The following NELL1 variants were observed in gnomAD, a reference collection of about 807,000 sequenced individuals.
NELL1 encodes the protein neural EGFL like 1.
In NELL1, 76 loss-of-function variants were observed where a neutral mutation model predicts 107.4. The ratio of observed to expected loss-of-function variants is 0.71; its 90% CI spans 0.59 to 0.86. The LOEUF is 0.86. Ranked by LOEUF, NELL1 falls within the 40% of genes least tolerant of loss-of-function variation. The pLI, the probability that NELL1 is intolerant of heterozygous loss-of-function variation, is 0.00. For missense variants in NELL1, 1,024 were observed against 1,005.5 expected (o/e 1.02, Z -0.25); for synonymous variants, 353 against 341.2 (o/e 1.03, Z -0.38).
intron 15 of NELL1, among the ~76,000 whole-genome samples, chr11:21,463,330 T>G (rs549524879): frequency 3.9e-5 from 6 of 152,200 alleles, no homozygotes; most frequent in Admixed American, 3.9e-4. Flanking sequence ...AATGAATTTA[T>G]TTGTGCAAAT....
intron 7 of NELL1, among the ~76,000 whole-genome samples, chr11:20,925,857 T>A (rs760005410): frequency 1.3e-5 from 2 of 152,200 alleles, no homozygotes; most frequent in Non-Finnish European, 2.9e-5. Flanking sequence ...TAGAATTACA[T>A]GTGGATTCCA....
chr11:20,876,293 AT>A (rs1849303137), intron 4 of NELL1, among the ~76,000 whole-genome samples: 1 of 152,086 alleles, frequency 6.6e-6, no homozygotes. Context: ...CCTGAGGTGC[AT>A]TTTTCAATTT....
At chr11:21,452,280 G>T (rs549094357) in intron 15 of NELL1, among the ~76,000 whole-genome samples, 2 of 152,164 alleles carry the variant, frequency 1.3e-5, no homozygotes, top group African/African-American at 4.8e-5. Flanking sequence ...TCACTGTCTG[G>T]TGTCTAATGT....
chr11:21,250,252 A>G (rs1858603824), intron 14 of NELL1, among the ~76,000 whole-genome samples: 1 of 152,158 alleles, frequency 6.6e-6, no homozygotes, highest in Non-Finnish European at 1.5e-5. Flanking sequence ...AGTAATTTGC[A>G]GTTATTTAAC....
chr11:20,705,219 A>G (rs536707668), intron 2 of NELL1, among the ~76,000 whole-genome samples: 2 of 152,342 alleles, frequency 1.3e-5, no homozygotes, highest in East Asian at 3.9e-4. Flanking sequence ...ATCCTAAGCC[A>G]AAAGAACAAA....
At chr11:21,284,283 T>C (rs1849062203) in intron 14 of NELL1, 3 of 457,046 alleles carry the variant, frequency 6.6e-6, no homozygotes, top group South Asian at 4.6e-5. Flanking sequence ...ATCCTAGTTG[T>C]TTGGGAAAAC....
chr11:20,801,301 G>A (rs1857276422), intron 3 of NELL1, among the ~76,000 whole-genome samples: 1 of 152,174 alleles, frequency 6.6e-6, no homozygotes, highest in Non-Finnish European at 1.5e-5. Context: ...GGCCCCTGTA[G>A]CCACTGAAGA....
At chr11:21,353,167 G>A (rs908400687) in intron 14 of NELL1, among the ~76,000 whole-genome samples, 4 of 152,144 alleles carry the variant, frequency 2.6e-5, no homozygotes, top group African/African-American at 9.7e-5. Context: ...TTCATGGCCA[G>A]TATCATGTGG....
chr11:21,371,128 A>T (rs1851351131), intron 15 of NELL1, among the ~76,000 whole-genome samples, 180 bp downstream of exon 15: 1 of 152,072 alleles, frequency 6.6e-6, no homozygotes, highest in South Asian at 2.1e-4. Flanking sequence ...ACTCTCTGAA[A>T]ATAGAGCTTC....
intron 12 of NELL1, among the ~76,000 whole-genome samples, chr11:20,994,549 T>A (rs1590514577): frequency 1.5e-5 from 2 of 136,452 alleles, no homozygotes; most frequent in East Asian, 6.5e-4. Context: ...GAATAAAAAG[T>A]TTTTTTAAGT....
chr11:21,105,781 C>T (rs1590641020), intron 12 of NELL1, among the ~76,000 whole-genome samples: 2 of 114,286 alleles, frequency 1.7e-5, no homozygotes, highest in African/African-American at 3.4e-5. Context: ...CTCTCCCCTC[C>T]CCTCCCCTCC....
At chr11:21,459,007 G>A (rs1340026481) in intron 15 of NELL1, among the ~76,000 whole-genome samples, 10 of 152,038 alleles carry the variant, frequency 6.6e-5, no homozygotes, top group African/African-American at 1.9e-4. Flanking sequence ...CCAAGGCACA[G>A]CAAAGAAGAA....
chr11:21,566,207 C>T (rs1856969277), intron 17 of NELL1, among the ~76,000 whole-genome samples: 1 of 151,846 alleles, frequency 6.6e-6, no homozygotes, highest in Non-Finnish European at 1.5e-5. Flanking sequence ...CGTTTTCCAA[C>T]CCAAAGTTTA....
At chr11:21,001,706 T>A (rs1852224990) in intron 12 of NELL1, among the ~76,000 whole-genome samples, 1 of 150,678 alleles carries the variant, frequency 6.6e-6, no homozygotes, top group Admixed American at 6.6e-5. Flanking sequence ...AATGTGAATC[T>A]TACAAAGTCT....
At position 20,937,927 on chromosome 11, in the gene NELL1, G is replaced by A. The variant is rs188049726; in HGVS notation, c.1071+68G>A. On this transcript the variant is annotated intron_variant, in intron 10 of 19. Coordinates refer to ENST00000357134, the MANE Select transcript of NELL1 (RefSeq NM_006157.5). Reference sequence around the variant, plus strand: ...ATAGATAGATGTGTGGGCTTTAGATGAGGTTCTTGAGTGGGGCATATTGGC... The same window carrying A: ...ATAGATAGATGTGTGGGCTTTAGATAAGGTTCTTGAGTGGGGCATATTGGC... 303 of 1,489,262 alleles carry A rather than the reference G, an allele frequency of 2.0e-4. No individual in the cohort carries two copies. In the African/African-American group the frequency reaches 3.7e-3, roughly 18 times the overall value. 92.3% of individuals were successfully genotyped at this position (1,489,262 alleles called of 1,614,324 possible).
intron 15 of NELL1, among the ~76,000 whole-genome samples, chr11:21,456,714 A>T (rs1469703689): frequency 2.0e-5 from 3 of 152,160 alleles, no homozygotes; most frequent in South Asian, 2.1e-4. Flanking sequence ...TATACAGATT[A>T]AAAAATACTA....
At chr11:20,820,056 T>C (rs1028418130) in intron 3 of NELL1, among the ~76,000 whole-genome samples, 1 of 152,166 alleles carries the variant, frequency 6.6e-6, no homozygotes, top group South Asian at 2.1e-4. Flanking sequence ...CCTATATCAG[T>C]TTTGAAGGCT....
intron 12 of NELL1, among the ~76,000 whole-genome samples, chr11:21,084,563 C>T (rs935398364): frequency 6.6e-6 from 1 of 152,138 alleles, no homozygotes; most frequent in Non-Finnish European, 1.5e-5. Flanking sequence ...TCAAGGACTT[C>T]TCTGGCCCTG....
At chr11:20,719,667 G>A (rs1855333987) in intron 2 of NELL1, among the ~76,000 whole-genome samples, 1 of 152,052 alleles carries the variant, frequency 6.6e-6, no homozygotes, top group Admixed American at 6.5e-5. Context: ...GAAAAACTCT[G>A]TCAGTCCACT....
Sources: gnomAD v4.1 joint callset for allele counts (sites outside exome capture counted in the v4.1 genomes callset) on GRCh38, gnomAD v4.1.1 for gene constraint, MANE v1.5 for transcripts, NCBI Gene and HGNC (gene_info 2026-07-23, HGNC 2026-07-21) for gene names.